Variants in PPP2R3B observed in about 807,000 individuals in gnomAD.
PPP2R3B encodes the protein serine/threonine-protein phosphatase 2A regulatory subunit B'' subunit beta.
In PPP2R3B, 68 loss-of-function variants were observed where a neutral mutation model predicts 72.9. The observed-to-expected ratio is 0.93, with a 90% CI of 0.77 to 1.14. PPP2R3B has a LOEUF of 1.14. Ranked by LOEUF, PPP2R3B falls within the 50% of genes most tolerant of loss-of-function variation. The pLI is 0.00. For synonymous variants in PPP2R3B, 466 were observed against 375.8 expected (o/e 1.24, Z -2.78); for missense variants, 1,018 against 842.0 (o/e 1.21, Z -2.59).
At chrX:346,380 G>T in intron 5 of PPP2R3B, 120 bp from the exon 6 acceptor site, 7 of 976,190 alleles carry the variant, frequency 7.2e-6, no homozygotes, top group Non-Finnish European at 1.1e-5. Context: ...GGCCGCCAGG[G>T]CACAGGCGGG....
chrX:363,622 C>T (rs1313373945), intron 1 of PPP2R3B, among the ~76,000 whole-genome samples: 5 of 47,024 alleles, frequency 1.1e-4, no homozygotes, highest in Admixed American at 2.1e-4. Context: ...CAATGCATCT[C>T]CCCGAGCCCA....
chrX:342,509 G>A (rs1220866813), intron 7 of PPP2R3B, among the ~76,000 whole-genome samples: 25 of 67,390 alleles, frequency 3.7e-4, no homozygotes, highest in Non-Finnish European at 5.8e-4. Context: ...CCAACGGGAG[G>A]CGGGAGGGAG....
In PPP2R3B at chrX:370,286, C is replaced by T. The variant is rs1421021081; in HGVS notation, c.325-8696G>A. ...AGGTGTCTGAGTAGGCCAGAGCTCACGTGGGCTAACATTCACTCAGACACA... is the reference window on the plus strand; with the variant it reads ...AGGTGTCTGAGTAGGCCAGAGCTCATGTGGGCTAACATTCACTCAGACACA... On this transcript the variant is annotated intron_variant, in intron 1 of 12. Coordinates refer to ENST00000390665, the MANE Select transcript of PPP2R3B (RefSeq NM_013239.5). Among the ~76,000 whole-genome samples the T allele has an allele frequency of 3.9e-5, 6 of 152,188 alleles. No homozygotes were observed. In the East Asian group the frequency reaches 9.6e-4, roughly 24 times the overall value.
intron 1 of PPP2R3B, among the ~76,000 whole-genome samples, chrX:367,164 G>T (rs765034233): frequency 6.6e-6 from 1 of 152,304 alleles, no homozygotes; most frequent in South Asian, 2.1e-4. Flanking sequence ...CCAAAGGGAA[G>T]GTTGGAATTG....
Position 361,553 on chromosome X carries a change from G to A in PPP2R3B, c.362C>T (p.Thr121Met), listed in dbSNP as rs773022863. 1.2e-5 allele frequency: 20 copies of A among 1,613,876 alleles called. No individual in the cohort carries two copies. Among genetic ancestry groups the A allele is most frequent in the East Asian group, 4.5e-5 (2 of 44,892 alleles). ...GTAGAAGGTCGGAATGCTTTGGCTC[G>A]TGGCCGGGGGCAGAGGCTCTTCTTT... ...TRKEEPLPPA[T>M]SQSIPTFYFP... Residue 121 changes from threonine (T) to methionine (M), a missense_variant, in exon 2 of 13, where the codon ACG (threonine) becomes ATG (methionine). By Grantham distance (81) the Thr-to-Met change is moderately conservative. Transcript: ENST00000390665.
At chrX:335,344 C>T (rs1203553383) in intron 12 of PPP2R3B, 1 of 152,350 alleles carries the variant, frequency 6.6e-6, no homozygotes, top group African/African-American at 2.4e-5. Context: ...GGGTGTCCGA[C>T]AGGAGAAGGC....
At position 338,749 on chromosome X, in the gene PPP2R3B, G is replaced by A. The variant is rs199856531; in HGVS notation, c.1470+29C>T. The A allele has an allele frequency of 1.6e-3, 2,652 of 1,611,798 alleles. 30 individuals carry two copies. In the African/African-American group the frequency reaches 0.026, roughly 16 times the overall value. ...ACGGGTTACGTACACGGCGTGGCGC[G>A]GCCCGGCCCGCGTGCCCGCCGCACT... On this transcript the variant is annotated intron_variant, in intron 11 of 12. Coordinates refer to ENST00000390665, the MANE Select transcript of PPP2R3B (RefSeq NM_013239.5).
At chrX:356,671 A>T (rs1256510972) in intron 2 of PPP2R3B, among the ~76,000 whole-genome samples, 1 of 152,228 alleles carries the variant, frequency 6.6e-6, no homozygotes, top group Non-Finnish European at 1.5e-5. Context: ...CAAGAAGCAA[A>T]AACCAAAGCA....
rs775879973 is a variant in PPP2R3B, at chrX:334,349, G to C, written c.*18C>G. On this transcript the variant is annotated 3_prime_UTR_variant, in exon 13 of 13. Coordinates refer to ENST00000390665, the MANE Select transcript of PPP2R3B (RefSeq NM_013239.5). Reference sequence around the variant, plus strand: ...GCACGTGGGGAGCGGCCCCGCGGCGGCGTTCTCGCGGGCGGCGTCACAGCG... The same window carrying C: ...GCACGTGGGGAGCGGCCCCGCGGCGCCGTTCTCGCGGGCGGCGTCACAGCG... 6.9e-7 allele frequency: 1 copy of C among 1,459,558 alleles called. No homozygotes were observed. The highest frequency in any genetic ancestry group is 1.3e-5 in the South Asian group (1 of 74,160). 90.4% of individuals were successfully genotyped at this position (1,459,558 alleles called of 1,614,324 possible).
intron 1 of PPP2R3B, among the ~76,000 whole-genome samples, chrX:363,783 G>C (rs1447826994): frequency 6.6e-6 from 1 of 151,830 alleles, no homozygotes; most frequent in Non-Finnish European, 1.5e-5. Flanking sequence ...GGAGCCTGCG[G>C]CTCTTCCTCC....
At chrX:347,925 A>G in intron 2 of PPP2R3B, 1 of 516,886 alleles carries the variant, frequency 1.9e-6, no homozygotes, top group Non-Finnish European at 3.4e-6. Context: ...TCCCCTGACC[A>G]CAGACCACGC....
At position 347,607 on chromosome X, in the gene PPP2R3B, G is replaced by C. The variant is rs967175813; in HGVS notation, c.597C>G (p.Phe199Leu). 3.2e-6 allele frequency: 5 copies of C among 1,579,356 alleles called. No homozygotes were observed. The highest frequency in any genetic ancestry group is 4.3e-6 in the Non-Finnish European group (5 of 1,162,066). ...GGACTCACTTTCTCCACATGGCGAC[G>C]AACTTGTGGACGGACACGGAGCCCG... is the stretch of plus-strand genomic sequence containing the variant. ...ERTGSVSVHK[F>L]VAMWRKILQN... The change falls in exon 3 of 13, where the codon TTC (phenylalanine) becomes TTG (leucine). Residue 199 changes from phenylalanine to leucine, a missense_variant. By Grantham distance (22) the Phe-to-Leu change is conservative. Transcript: ENST00000390665.
chrX:376,435 C>A (rs996495553), intron 1 of PPP2R3B, among the ~76,000 whole-genome samples: 1 of 107,610 alleles, frequency 9.3e-6, no homozygotes, highest in African/African-American at 5.3e-5. Context: ...CTCGACAGAG[C>A]CCCCATGGGG....
intron 12 of PPP2R3B, chrX:338,261 G>A (rs1270603835): frequency 1.5e-5 from 7 of 470,804 alleles, no homozygotes; most frequent in Admixed American, 7.0e-5. Flanking sequence ...CCTGCAGCCT[G>A]CCCAGCAGGT....
intron 8 of PPP2R3B, chrX:341,673 C>T (rs2071080552): frequency 3.0e-6 from 2 of 674,416 alleles, no homozygotes; most frequent in East Asian, 5.4e-5. Flanking sequence ...GCCTGGGCCA[C>T]CCCCTTCCTC....
intron 2 of PPP2R3B, chrX:359,753 CAT>C (rs2071504096): frequency 6.6e-6 from 3 of 456,638 alleles, no homozygotes; most frequent in Admixed American, 5.3e-5. Flanking sequence ...TATGTATGTT[CAT>C]ACTCATACAC....
chrX:344,069 A>G (rs375641816), intron 7 of PPP2R3B, among the ~76,000 whole-genome samples: 17 of 61,864 alleles, frequency 2.7e-4, no homozygotes, highest in South Asian at 1.2e-3. Context: ...GACGTCGCCA[A>G]CGGGAGGCGG....
At chrX:385,974 C>T (rs1237500535) in intron 1 of PPP2R3B, among the ~76,000 whole-genome samples, 2 of 151,938 alleles carry the variant, frequency 1.3e-5, no homozygotes, top group African/African-American at 2.4e-5. Context: ...CCCAGCTCCT[C>T]GGGAGCCTGA....
At chrX:385,701 T>C (rs2072232312) in intron 1 of PPP2R3B, among the ~76,000 whole-genome samples, 1 of 152,174 alleles carries the variant, frequency 6.6e-6, no homozygotes, top group African/African-American at 2.4e-5. Flanking sequence ...CTGGGGAGGC[T>C]GAGGCAGGAA....
Sources: gnomAD v4.1 joint callset for allele counts (sites outside exome capture counted in the v4.1 genomes callset) on GRCh38, gnomAD v4.1.1 for gene constraint, MANE v1.5 for transcripts, NCBI Gene and HGNC (gene_info 2026-07-23, HGNC 2026-07-21) for gene names.